Variants in RPN2 observed in about 807,000 individuals in gnomAD.
RPN2 encodes ribophorin II.
Under a neutral mutation model 71.4 loss-of-function variants are expected in RPN2, and 29 were observed. That is an observed-to-expected ratio of 0.41 (90% CI 0.30 to 0.55). RPN2 has a LOEUF of 0.55. RPN2 is among the 20% of genes least tolerant of loss of function. The pLI is 0.35. For missense variants in RPN2, 726 were observed against 774.1 expected (o/e 0.94, Z 0.74); for synonymous variants, 308 against 305.0 (o/e 1.01, Z -0.10).
At chr20:37,211,812 A>G (rs909636464) in intron 8 of RPN2, among the ~76,000 whole-genome samples, 2 of 151,054 alleles carry the variant, frequency 1.3e-5, no homozygotes, top group Non-Finnish European at 2.9e-5. Context: ...ATGTCTGCTC[A>G]TTGCAATCTC....
Position 37,198,412 on chromosome 20 carries a change from A to G in RPN2, c.223A>G (p.Ile75Val), listed in dbSNP as rs998716304. ...VPDAKKACTY[I>V]RSNLDPSNVD... ...CACTGTGTAGAAAGCATGTACCTACATCAGATCTAACCTTGATCCCAGCAA... is the reference window on the plus strand; with the variant it reads ...CACTGTGTAGAAAGCATGTACCTACGTCAGATCTAACCTTGATCCCAGCAA... The change falls in exon 3 of 17, where the codon ATC becomes GTC. Residue 75 changes from isoleucine (I) to valine (V), a missense_variant. Physicochemically the swap from Ile to Val is conservative, Grantham distance 29. Coordinates refer to ENST00000237530, the MANE Select transcript of RPN2 (RefSeq NM_002951.5). The G allele has an allele frequency of 5.0e-6, 8 of 1,614,122 alleles. No individual in the cohort carries two copies. The highest frequency in any genetic ancestry group is 1.7e-5 in the Admixed American group (1 of 60,010).
At chr20:37,227,929 A>G (rs1316306174) in intron 11 of RPN2, among the ~76,000 whole-genome samples, 5 of 152,248 alleles carry the variant, frequency 3.3e-5, no homozygotes, top group Admixed American at 2.6e-4. Flanking sequence ...CAGATATGCC[A>G]CATCTGGAAG....
intron 14 of RPN2, 110 bp from the exon 15 acceptor site, chr20:37,233,910 C>T (rs1424182863): frequency 2.6e-6 from 3 of 1,168,764 alleles, no homozygotes; most frequent in Non-Finnish European, 3.8e-6. Flanking sequence ...TTCTAGGATG[C>T]ATGAACTTTG....
chr20:37,229,531 G>GC (rs2068178592), intron 12 of RPN2, among the ~76,000 whole-genome samples: 1 of 152,192 alleles, frequency 6.6e-6, no homozygotes, highest in Non-Finnish European at 1.5e-5. Context: ...AGACAAAGGG[G>GC]CAGCTGCGTT....
chr20:37,212,193 C>A (rs150389930), intron 8 of RPN2, among the ~76,000 whole-genome samples: 2 of 152,008 alleles, frequency 1.3e-5, no homozygotes, highest in South Asian at 2.1e-4. Flanking sequence ...GTGGGAGGAT[C>A]GCTTGAGGCT....
chr20:37,192,509 A>G (rs1230519261), intron 2 of RPN2, among the ~76,000 whole-genome samples: 1 of 152,202 alleles, frequency 6.6e-6, no homozygotes, highest in Non-Finnish European at 1.5e-5. Flanking sequence ...GAGTGCTGCC[A>G]TCTGTGCTGG....
At chr20:37,213,991 G>GGGAGGGCTGC in intron 9 of RPN2, 126 bp downstream of exon 9, 1 of 756,532 alleles carries the variant, frequency 1.3e-6, no homozygotes, top group Non-Finnish European at 2.4e-6. Flanking sequence ...TTTATGTGGA[G>GGGAGGGCTGC]GGAGGGCTGC....
At chr20:37,201,281 CTTTTT>C (rs373838278) in intron 4 of RPN2, among the ~76,000 whole-genome samples, 1 of 105,126 alleles carries the variant, frequency 9.5e-6, no homozygotes, top group Non-Finnish European at 1.8e-5. Context: ...AGGTCATAAG[CTTTTT>C]TTTTTTTTTT....
chr20:37,231,456 A>G (rs1165906604), intron 13 of RPN2, among the ~76,000 whole-genome samples: 7 of 152,242 alleles, frequency 4.6e-5, no homozygotes, highest in Admixed American at 4.6e-4. Context: ...TGGGCCAGGC[A>G]TGGTGGCTCA....
intron 9 of RPN2, among the ~76,000 whole-genome samples, chr20:37,215,455 A>G (rs969122329): frequency 3.9e-5 from 6 of 152,358 alleles, no homozygotes; most frequent in South Asian, 2.1e-4. Flanking sequence ...TCAAATCCAC[A>G]TTCTTATAAT....
intron 9 of RPN2, among the ~76,000 whole-genome samples, chr20:37,216,379 A>G (rs1022089717): frequency 1.3e-5 from 2 of 152,150 alleles, no homozygotes; most frequent in African/African-American, 4.8e-5. Flanking sequence ...TTTTTTTGCT[A>G]GACTGTGTTT....
intron 11 of RPN2, among the ~76,000 whole-genome samples, chr20:37,226,766 G>GT (rs1852236849): frequency 6.6e-6 from 1 of 151,936 alleles, no homozygotes; most frequent in African/African-American, 2.4e-5. Flanking sequence ...ACCTAATATG[G>GT]CCCCATGTCC....
chr20:37,230,348 A>G (rs983454497), intron 13 of RPN2, among the ~76,000 whole-genome samples: 3 of 152,190 alleles, frequency 2.0e-5, no homozygotes, highest in Non-Finnish European at 4.4e-5. Flanking sequence ...CTTATTAGCT[A>G]TGAGCGCAGA....
intron 11 of RPN2, among the ~76,000 whole-genome samples, chr20:37,227,377 C>G (rs2068103051): frequency 6.6e-6 from 1 of 152,202 alleles, no homozygotes; most frequent in Admixed American, 6.5e-5. Context: ...AGAATCATGG[C>G]CTAGAGACCT....
At chr20:37,209,698 T>C (rs1476135732) in intron 7 of RPN2, among the ~76,000 whole-genome samples, 1 of 151,808 alleles carries the variant, frequency 6.6e-6, no homozygotes, top group African/African-American at 2.4e-5. Flanking sequence ...CCCACGCTGT[T>C]CTTGAACTCT....
chr20:37,217,969 T>C (rs1414256014), intron 9 of RPN2, among the ~76,000 whole-genome samples: 1 of 151,590 alleles, frequency 6.6e-6, no homozygotes, highest in East Asian at 2.0e-4. Flanking sequence ...CTCCTGACCC[T>C]CAGGTGATCT....
chr20:37,233,108 G>A (rs1350187289), intron 14 of RPN2, among the ~76,000 whole-genome samples: 1 of 151,912 alleles, frequency 6.6e-6, no homozygotes, highest in Non-Finnish European at 1.5e-5. Context: ...CTGTAGTCCC[G>A]GCTACTTGAG....
At chr20:37,225,609 A>G in intron 10 of RPN2, 79 bp from the exon 11 acceptor site, 1 of 919,210 alleles carries the variant, frequency 1.1e-6, no homozygotes, top group Admixed American at 1.8e-5. Context: ...TGAGGCAATG[A>G]AGTGAAGTAT....
chr20:37,239,248 A>G (rs1488561045), intron 16 of RPN2, among the ~76,000 whole-genome samples: 1 of 152,244 alleles, frequency 6.6e-6, no homozygotes. Flanking sequence ...AAGCAGCCAT[A>G]GACTGTATAA....
Sources: allele counts gnomAD v4.1 joint callset (sites outside exome capture counted in the v4.1 genomes callset), GRCh38; gene constraint gnomAD v4.1.1; transcripts MANE v1.5; gene names NCBI Gene and HGNC (gene_info 2026-07-23, HGNC 2026-07-21).